The following B3GNT3 variants were observed in gnomAD, a reference collection of about 807,000 sequenced individuals.
B3GNT3 encodes N-acetyllactosaminide beta-1,3-N-acetylglucosaminyltransferase 3.
In B3GNT3, 7 loss-of-function variants were observed where a neutral mutation model predicts 11.6. That is an observed-to-expected ratio of 0.60 (90% confidence interval 0.34 to 1.13). The LOEUF is 1.13. Ranked by LOEUF, B3GNT3 falls within the 50% of genes most tolerant of loss-of-function variation. B3GNT3 has a pLI of 0.03. For synonymous variants in B3GNT3, 201 were observed against 222.1 expected, an observed-to-expected ratio of 0.90 and a Z score of 0.85; for missense variants, 400 against 507.4, an observed-to-expected ratio of 0.79 and a Z score of 2.03.
In B3GNT3 at chr19:17,807,804, C is replaced by T; in HGVS notation, c.-4C>T. ...AGGCCGACCCCAGACCCTGGCTGGC[C>T]AGGATGAAGTATCTCCGGCACCGGC... On this transcript the variant is annotated 5_prime_UTR_variant, in exon 2 of 3. Transcript: ENST00000318683. The T allele has an allele frequency of 6.2e-7, 1 of 1,602,370 alleles. No homozygotes were observed. Among genetic ancestry groups the T allele is most frequent in the Non-Finnish European group, 8.5e-7 (1 of 1,171,566 alleles).
intron 1 of B3GNT3, among the ~76,000 whole-genome samples, chr19:17,797,789 C>T (rs146241499): frequency 1.3e-5 from 2 of 152,120 alleles, no homozygotes; most frequent in South Asian, 2.1e-4. Context: ...AAGCAGGGTC[C>T]GGCCATTGTG....
Position 17,811,672 on chromosome 19 carries a change from C to T in B3GNT3, c.669C>T (p.Tyr223=), listed in dbSNP as rs766851725. 5.0e-6 allele frequency: 8 copies of T among 1,614,246 alleles called. No homozygotes were observed. In the South Asian group the frequency reaches 8.8e-5, roughly 18 times the overall value. ...CACACACAGACAACATGGTCTTCTA[C>T]CTGCAGGACCATGACCCTGGCCGCC... ...VFAHTDNMVF[Y]LQDHDPGRHL... Residue 223 remains tyrosine (Y), a synonymous_variant, in exon 3 of 3, where the codon TAC becomes TAT. Transcript: ENST00000318683. This position sits in a 1 kb window ranked among gnomAD's most constrained non-coding sequence, Gnocchi z 4.1.
rs924993784 is a variant in B3GNT3 at position 17,807,924 on chromosome 19, G to C, written c.117G>C (p.Gln39His). Residue 39 changes from glutamine to histidine, a missense_variant, in exon 2 of 3, where the codon CAG (glutamine) becomes CAC (histidine). Transcript: ENST00000318683. ...CACCCACCTGCAAGGTCCAGGAGCA[G>C]CCACCGGCGATCCCCGAGGCCCTGG... ...VSPPTCKVQE[Q>H]PPAIPEALAW... is the part of the protein sequence containing the mutation. 6.8e-6 allele frequency: 11 copies of C among 1,613,252 alleles called. No individual in the cohort carries two copies. The highest frequency in any genetic ancestry group is 9.3e-6 in the Non-Finnish European group (11 of 1,179,918).
Position 17,807,960 on chromosome 19 carries a change from T to TCCCGG in B3GNT3, c.155_156insCGGCC (p.Pro53GlyfsTer62). ...TCCCCGAGGCCCTGGCCTGGCCCAC[T>TCCCGG]CCACCCACCCGCCCAGCCCCGGCCC... On this transcript the variant is annotated frameshift_variant, in exon 2 of 3. Coordinates refer to ENST00000318683, the MANE Select transcript of B3GNT3 (RefSeq NM_014256.4). LOFTEE classifies it high-confidence loss of function. 3 of 1,609,516 alleles carry TCCCGG rather than the reference T, an allele frequency of 1.9e-6. No homozygotes were observed. The highest frequency in any genetic ancestry group is 2.5e-6 in the Non-Finnish European group (3 of 1,178,100).
intron 1 of B3GNT3, among the ~76,000 whole-genome samples, chr19:17,796,886 G>A (rs889065482): frequency 2.0e-5 from 3 of 152,152 alleles, no homozygotes; most frequent in African/African-American, 7.2e-5. Flanking sequence ...AGAGCAAGCA[G>A]GAATTTGCTC....
At chr19:17,810,341 C>T (rs1426555263) in intron 2 of B3GNT3, among the ~76,000 whole-genome samples, 2 of 151,818 alleles carry the variant, frequency 1.3e-5, no homozygotes, top group East Asian at 1.9e-4. Flanking sequence ...ACCCTGGAGG[C>T]GGAGGTTGGA....
chr19:17,801,972 C>T (rs369945434), intron 1 of B3GNT3, among the ~76,000 whole-genome samples: 1 of 152,006 alleles, frequency 6.6e-6, no homozygotes, highest in South Asian at 2.1e-4. Context: ...CCTGTAGTCC[C>T]AGCTATTCAG....
At chr19:17,800,142 A>G (rs548843660) in intron 1 of B3GNT3, among the ~76,000 whole-genome samples, 1 of 152,262 alleles carries the variant, frequency 6.6e-6, no homozygotes, top group Non-Finnish European at 1.5e-5. Context: ...TGGGAGGCCG[A>G]GGCGGGCAGA....
At position 17,811,091 on chromosome 19, in the gene B3GNT3, G is replaced by A. The variant is rs1179283369; in HGVS notation, c.568-480G>A. Among the ~76,000 whole-genome samples, 1 of 151,742 alleles carries A rather than the reference G, an allele frequency of 6.6e-6. No homozygotes were observed. The highest frequency in any genetic ancestry group is 1.5e-5 in the Non-Finnish European group (1 of 67,976). On this transcript the variant is annotated intron_variant, in intron 2 of 2. Transcript: ENST00000318683. This position sits in a 1 kb window ranked among gnomAD's most constrained non-coding sequence, Gnocchi z 4.1. ...CAGGAGTAAGTAGCGGCATGTGTCT[G>A]TAGTACCAGCTACTTGGGAGGCTGA...
At chr19:17,799,173 C>A (rs1474568104) in intron 1 of B3GNT3, among the ~76,000 whole-genome samples, 1 of 152,086 alleles carries the variant, frequency 6.6e-6, no homozygotes, top group Admixed American at 6.6e-5. Flanking sequence ...ATGTTCCACA[C>A]CTCCATCCAA....
At chr19:17,808,493 C>A in intron 2 of B3GNT3, 119 bp downstream of exon 2, 1 of 1,089,388 alleles carries the variant, frequency 9.2e-7, no homozygotes, top group Non-Finnish European at 1.3e-6. Context: ...GCCCATTCTG[C>A]CCCTCTGCTG....
chr19:17,802,292 G>A (rs1482494605), intron 1 of B3GNT3, among the ~76,000 whole-genome samples: 2 of 152,140 alleles, frequency 1.3e-5, no homozygotes, highest in Non-Finnish European at 2.9e-5. Flanking sequence ...AACGTGTGCG[G>A]CAGGGGACTG....
intron 2 of B3GNT3, among the ~76,000 whole-genome samples, chr19:17,810,238 C>G (rs576821324): frequency 6.6e-6 from 1 of 152,132 alleles, no homozygotes; most frequent in African/African-American, 2.4e-5. Flanking sequence ...TGCCTATAAT[C>G]CCAGCACTTT....
In B3GNT3 at chr19:17,800,326, G is replaced by A. The variant is rs930471632; in HGVS notation, c.-51+5120G>A. Among the ~76,000 whole-genome samples, 11 of 152,192 alleles carry A rather than the reference G, an allele frequency of 7.2e-5. No individual in the cohort carries two copies. The East Asian group carries it at 1.7e-3, about 24-fold the overall frequency. On this transcript the variant is annotated intron_variant, in intron 1 of 2. Transcript: ENST00000318683. Reference sequence around the variant, plus strand: ...GGAGGCGGAAGTTGCAGTGAGCCAAGATCACACCACTGCACTTCAGCCTGG... The same window carrying A: ...GGAGGCGGAAGTTGCAGTGAGCCAAAATCACACCACTGCACTTCAGCCTGG...
At chr19:17,799,722 C>A (rs980908942) in intron 1 of B3GNT3, among the ~76,000 whole-genome samples, 13 of 151,718 alleles carry the variant, frequency 8.6e-5, no homozygotes, top group Non-Finnish European at 1.6e-4. Context: ...AGCTCACAGA[C>A]CAGTCCTCCC....
rs540419506 is a variant in B3GNT3, at chr19:17,801,901, A to G, written c.-50-5857A>G. 2.5e-3 allele frequency among the ~76,000 whole-genome samples: 376 copies of G among 152,258 alleles called. 2 individuals carry two copies. The highest frequency in any genetic ancestry group is 3.4e-3 in the Non-Finnish European group (232 of 68,008). Reference sequence around the variant, plus strand: ...TCAGGAGTTTGAGACTAGCCTGCCCAACATGGTGAAACCCCGTCTCTACTA... The same window carrying G: ...TCAGGAGTTTGAGACTAGCCTGCCCGACATGGTGAAACCCCGTCTCTACTA... On this transcript the variant is annotated intron_variant, in intron 1 of 2. Transcript: ENST00000318683.
chr19:17,799,122 C>T (rs1012954911), intron 1 of B3GNT3, among the ~76,000 whole-genome samples: 1 of 152,202 alleles, frequency 6.6e-6, no homozygotes, highest in Non-Finnish European at 1.5e-5. Context: ...AGAAGCTTCT[C>T]TCACCCTCCA....
chr19:17,804,322 C>G (rs2094170188), intron 1 of B3GNT3, among the ~76,000 whole-genome samples: 1 of 149,168 alleles, frequency 6.7e-6, no homozygotes, highest in African/African-American at 2.5e-5. Flanking sequence ...TCACTGCCAC[C>G]TCCGCCTCCC....
chr19:17,804,640 C>A (rs1171009414), intron 1 of B3GNT3, among the ~76,000 whole-genome samples: 2 of 141,652 alleles, frequency 1.4e-5, no homozygotes, highest in African/African-American at 5.3e-5. Flanking sequence ...TGGGTTCAAG[C>A]GATTTTCCTT....
Sources: gnomAD v4.1 joint callset for allele counts (sites outside exome capture counted in the v4.1 genomes callset) on GRCh38, gnomAD v4.1.1 for gene constraint, Gnocchi (gnomAD v3.1) non-coding constraint, MANE v1.5 for transcripts, NCBI Gene and HGNC (gene_info 2026-07-23, HGNC 2026-07-21) for gene names.